Variants in CTNNA3 observed in about 807,000 individuals in gnomAD.
The protein encoded by CTNNA3 is catenin alpha-3.
Under a neutral mutation model 95.7 loss-of-function variants are expected in CTNNA3, and 76 were observed. The observed-to-expected ratio is 0.79, with a 90% CI of 0.66 to 0.96. The LOEUF (loss-of-function observed/expected upper bound fraction) is 0.96, where lower values mean the gene tolerates loss of function less well. Ranked by LOEUF, CTNNA3 falls within the 40% of genes least tolerant of loss-of-function variation. CTNNA3 has a pLI of 0.00. For missense variants in CTNNA3, 1,191 were observed against 1,089.8 expected (o/e 1.09, Z -1.31); for synonymous variants, 431 against 374.4 (o/e 1.15, Z -1.74).
intron 5 of CTNNA3, among the ~76,000 whole-genome samples, chr10:67,494,975 G>A (rs1423134216): frequency 6.6e-6 from 1 of 152,132 alleles, no homozygotes; most frequent in African/African-American, 2.4e-5. Context: ...ATTAGCATAA[G>A]TGTGCCCCAT....
intron 7 of CTNNA3, among the ~76,000 whole-genome samples, chr10:67,125,931 G>A (rs1036459077): frequency 6.6e-6 from 1 of 152,024 alleles, no homozygotes; most frequent in African/African-American, 2.4e-5. Context: ...ATAGTATATT[G>A]ATCCCCAATA....
intron 5 of CTNNA3, among the ~76,000 whole-genome samples, chr10:67,225,870 A>G (rs2132282041): frequency 6.6e-6 from 1 of 152,336 alleles, no homozygotes. Context: ...CAAACCAAGA[A>G]GAAATCCCTG....
chr10:67,124,115 T>C (rs1193393356), intron 7 of CTNNA3, among the ~76,000 whole-genome samples: 2 of 152,196 alleles, frequency 1.3e-5, no homozygotes, highest in Non-Finnish European at 2.9e-5. Flanking sequence ...TTCTGATGCA[T>C]GCTGAAAATA....
chr10:66,570,363 A>G lies in CTNNA3; in HGVS notation c.1375-49590T>C, dbSNP rs540926319. Among the ~76,000 whole-genome samples, 7 of 152,162 alleles carry G rather than the reference A, an allele frequency of 4.6e-5. No homozygotes were observed. The South Asian group carries it at 1.0e-3, about 23-fold the overall frequency. ...GAGTGCAGTGGTGCAATCTCAGCTC[A>G]CTGCAACCTCTGCCTCCCGGGTTCA... On this transcript the variant is annotated intron_variant, in intron 10 of 17. Coordinates refer to ENST00000433211, the MANE Select transcript of CTNNA3 (RefSeq NM_013266.4).
intron 12 of CTNNA3, among the ~76,000 whole-genome samples, chr10:66,348,508 T>C (rs2092542166): frequency 6.6e-6 from 1 of 152,120 alleles, no homozygotes; most frequent in South Asian, 2.1e-4. Context: ...ACAGGGAAAC[T>C]ATCAGGTTGA....
intron 7 of CTNNA3, among the ~76,000 whole-genome samples, chr10:67,124,932 A>G (rs11817220): frequency 0.058 from 8,875 of 152,232 alleles, 407 homozygotes; most frequent in African/African-American, 0.12. Flanking sequence ...TTTTATATCT[A>G]CAAGGACTGA....
At chr10:66,511,719 T>C (rs1460424056) in intron 11 of CTNNA3, among the ~76,000 whole-genome samples, 1 of 151,916 alleles carries the variant, frequency 6.6e-6, no homozygotes, top group Non-Finnish European at 1.5e-5. Context: ...CACTGAAACC[T>C]GAGAATACAT....
intron 5 of CTNNA3, among the ~76,000 whole-genome samples, chr10:67,421,446 A>G (rs1006507375): frequency 1.3e-5 from 2 of 152,188 alleles, no homozygotes; most frequent in South Asian, 2.1e-4. Context: ...ACATCCTCAT[A>G]GATTGTATGT....
At chr10:66,985,887 C>T (rs558567318) in intron 7 of CTNNA3, among the ~76,000 whole-genome samples, 1 of 152,078 alleles carries the variant, frequency 6.6e-6, no homozygotes, top group Non-Finnish European at 1.5e-5. Context: ...GCCACCACAC[C>T]CAGCTAATTT....
At chr10:66,149,950 C>G (rs996940891) in intron 13 of CTNNA3, among the ~76,000 whole-genome samples, 2 of 151,840 alleles carry the variant, frequency 1.3e-5, no homozygotes, top group African/African-American at 2.4e-5. Context: ...TTTTCTTTTC[C>G]TTCTTTATGG....
At chr10:66,115,592 G>GAGAT (rs1564660832) in intron 13 of CTNNA3, among the ~76,000 whole-genome samples, 1 of 109,722 alleles carries the variant, frequency 9.1e-6, no homozygotes, top group African/African-American at 6.2e-5. Flanking sequence ...TAGATAGATA[G>GAGAT]AGATAGAGAT....
At chr10:66,940,061 T>TAG (rs1847916468) in intron 7 of CTNNA3, among the ~76,000 whole-genome samples, 1 of 152,154 alleles carries the variant, frequency 6.6e-6, no homozygotes, top group Admixed American at 6.6e-5. Context: ...AATAAGTAGT[T>TAG]AGGTTTTGTG....
chr10:66,501,963 A>G lies in CTNNA3; in HGVS notation c.1531+18654T>C, dbSNP rs10997196. Among the ~76,000 whole-genome samples, 1,977 of 152,198 alleles carry G rather than the reference A, an allele frequency of 0.013. 172 individuals are homozygous for G. In the East Asian group the frequency reaches 0.23, roughly 18 times the overall value. On this transcript the variant is annotated intron_variant, in intron 11 of 17. Coordinates refer to ENST00000433211, the MANE Select transcript of CTNNA3 (RefSeq NM_013266.4). ...ATGAGAAAAGTTAAGACTCAGTAAG[A>G]CTTCACCGTAAGATTACATTGTGAT...
At position 67,193,586 on chromosome 10, in the gene CTNNA3, G is replaced by A. The variant is rs140579498; in HGVS notation, c.844-13066C>T. On this transcript the variant is annotated intron_variant, in intron 6 of 17. Transcript: ENST00000433211. Reference sequence around the variant, plus strand: ...AGCTCCCACTTATAAATGAGAGAATGCAGTATTTGGTTTTCTGTTACTGCT... The same window carrying A: ...AGCTCCCACTTATAAATGAGAGAATACAGTATTTGGTTTTCTGTTACTGCT... Among the ~76,000 whole-genome samples the A allele has an allele frequency of 5.4e-4, 82 of 152,124 alleles. 1 individual carries two copies. In the East Asian group the frequency reaches 0.015, roughly 27 times the overall value.
intron 9 of CTNNA3, among the ~76,000 whole-genome samples, chr10:66,718,826 T>A (rs1444679542): frequency 6.6e-6 from 1 of 152,132 alleles, no homozygotes; most frequent in African/African-American, 2.4e-5. Flanking sequence ...ATTAACACCA[T>A]TTTAACAATT....
At chr10:67,131,514 G>T (rs988430878) in intron 7 of CTNNA3, among the ~76,000 whole-genome samples, 4 of 152,036 alleles carry the variant, frequency 2.6e-5, no homozygotes, top group African/African-American at 9.7e-5. Context: ...TATGCCGGGT[G>T]TTGGTAGACC....
At chr10:67,660,070 G>A (rs1202441796) in intron 1 of CTNNA3, among the ~76,000 whole-genome samples, 1 of 152,036 alleles carries the variant, frequency 6.6e-6, no homozygotes, top group African/African-American at 2.4e-5. Context: ...ATGTAACTGG[G>A]GAATTTCAGC....
chr10:66,183,499 T>G (rs1426023206), intron 13 of CTNNA3, among the ~76,000 whole-genome samples: 2 of 152,264 alleles, frequency 1.3e-5, no homozygotes, highest in Non-Finnish European at 2.9e-5. Context: ...AAGTGTAGCT[T>G]ATCAATTTCC....
intron 10 of CTNNA3, among the ~76,000 whole-genome samples, chr10:66,609,887 G>C (rs915216475): frequency 6.6e-6 from 1 of 152,006 alleles, no homozygotes; most frequent in African/African-American, 2.4e-5. Flanking sequence ...AAGAAAATGT[G>C]GTACATATAC....
Sources: gnomAD v4.1 joint callset for allele counts (sites outside exome capture counted in the v4.1 genomes callset) on GRCh38, gnomAD v4.1.1 for gene constraint, MANE v1.5 for transcripts, NCBI Gene and HGNC (gene_info 2026-07-23, HGNC 2026-07-21) for gene names.